The following ENKUR variants were observed in gnomAD, a reference collection of about 807,000 sequenced individuals.
The protein encoded by ENKUR is enkurin.
A neutral mutation model predicts 27.6 loss-of-function variants in ENKUR; 19 were observed. That is an observed-to-expected ratio of 0.69 (90% CI 0.48 to 1.01). The LOEUF (loss-of-function observed/expected upper bound fraction) is 1.01. Ranked by LOEUF, ENKUR falls within the 50% of genes least tolerant of loss-of-function variation. The pLI is 0.00. For synonymous variants in ENKUR, 117 were observed against 96.9 expected, an observed-to-expected ratio of 1.21 and a Z score of -1.22; for missense variants, 312 against 310.5, an observed-to-expected ratio of 1.00 and a Z score of -0.04.
intron 1 of ENKUR, among the ~76,000 whole-genome samples, chr10:25,014,945 G>A (rs1271080983): frequency 6.6e-6 from 1 of 152,184 alleles, no homozygotes; most frequent in African/African-American, 2.4e-5. Flanking sequence ...TCACAGATCA[G>A]TAAACAAATG....
intron 2 of ENKUR, among the ~76,000 whole-genome samples, chr10:25,046,538 T>A (rs749872536): frequency 6.6e-6 from 1 of 152,210 alleles, no homozygotes; most frequent in African/African-American, 2.4e-5. Context: ...CCTGGCTTTA[T>A]CACCAGCGTC....
At chr10:24,985,315 T>C (rs1380917819) in intron 4 of ENKUR, among the ~76,000 whole-genome samples, 2 of 152,230 alleles carry the variant, frequency 1.3e-5, no homozygotes, top group Non-Finnish European at 2.9e-5. Context: ...TTTTTTATCC[T>C]CATTCTTCAA....
intron 2 of ENKUR, among the ~76,000 whole-genome samples, chr10:25,051,827 A>G (rs1031930335): frequency 6.6e-6 from 1 of 152,228 alleles, no homozygotes; most frequent in Non-Finnish European, 1.5e-5. Context: ...AGGAGTACAG[A>G]GGCTAATGAC....
At chr10:25,047,263 C>A (rs902925199) in intron 2 of ENKUR, among the ~76,000 whole-genome samples, 1 of 152,108 alleles carries the variant, frequency 6.6e-6, no homozygotes, top group African/African-American at 2.4e-5. Context: ...ACATCAGGAG[C>A]GTGTGAGGCC....
chr10:25,034,559 C>T (rs772744473), intron 2 of ENKUR, among the ~76,000 whole-genome samples: 2 of 152,128 alleles, frequency 1.3e-5, no homozygotes, highest in Admixed American at 6.5e-5. Context: ...TACTTGCCCT[C>T]GATATTACCT....
rs573677353 is a variant in ENKUR at position 25,040,007 on chromosome 10, G to A, written c.37+21105C>T. 3.8e-5 allele frequency among the ~76,000 whole-genome samples: 3 copies of A among 79,506 alleles called. No homozygotes were observed. In the South Asian group the frequency reaches 1.2e-3, roughly 31 times the overall value. 52.2% of individuals were successfully genotyped at this position (79,506 alleles called of 152,430 possible). ...TGGTGCTGGCTGCTGGCCGTGGTACGTACTCTGTTCTTCTCTGTGTGTCTG... is the reference window on the plus strand; with the variant it reads ...TGGTGCTGGCTGCTGGCCGTGGTACATACTCTGTTCTTCTCTGTGTGTCTG... On this transcript the variant is annotated intron_variant, in intron 2 of 5. Coordinates refer to the ENKUR transcript ENST00000615958.
intron 2 of ENKUR, among the ~76,000 whole-genome samples, chr10:25,037,080 T>C (rs1012330219): frequency 6.6e-6 from 1 of 152,224 alleles, no homozygotes; most frequent in South Asian, 2.1e-4. Context: ...CATGTGCTGT[T>C]CACTTTGCCT....
intron 2 of ENKUR, chr10:25,024,352 G>A (rs1323865233): frequency 1.2e-6 from 2 of 1,614,066 alleles, no homozygotes; most frequent in South Asian, 2.2e-5. Context: ...GATACTTGTA[G>A]CTACTTCAGG....
At chr10:25,058,695 C>T (rs1400275901) in intron 2 of ENKUR, among the ~76,000 whole-genome samples, 1 of 151,536 alleles carries the variant, frequency 6.6e-6, no homozygotes, top group Admixed American at 6.6e-5. Flanking sequence ...CTTTGGGAGG[C>T]GTAGGCGAGC....
At chr10:25,049,211 C>CAATATATTTTAGGTGCTA (rs1851155733) in intron 2 of ENKUR, among the ~76,000 whole-genome samples, 1 of 152,038 alleles carries the variant, frequency 6.6e-6, no homozygotes, top group Non-Finnish European at 1.5e-5. Context: ...AGTAGGTGCT[C>CAATATATTTTAGGTGCTA]AATATATTTT....
chr10:25,029,068 A>T (rs1324124746), intron 2 of ENKUR, among the ~76,000 whole-genome samples: 1 of 152,094 alleles, frequency 6.6e-6, no homozygotes, highest in African/African-American at 2.4e-5. Context: ...CCATCCACTT[A>T]CCCACTACTG....
intron 1 of ENKUR, among the ~76,000 whole-genome samples, chr10:25,012,411 C>G (rs970021575): frequency 1.3e-5 from 2 of 152,198 alleles, no homozygotes; most frequent in African/African-American, 4.8e-5. Flanking sequence ...CCCAGAAAAG[C>G]TGCAGACACT....
intron 2 of ENKUR, among the ~76,000 whole-genome samples, chr10:25,031,515 A>G (rs922820261): frequency 6.6e-6 from 1 of 152,204 alleles, no homozygotes; most frequent in Non-Finnish European, 1.5e-5. Context: ...ACATTGAGAA[A>G]TAATAAATTG....
intron 3 of ENKUR, among the ~76,000 whole-genome samples, chr10:24,991,537 C>T (rs373648420): frequency 1.9e-4 from 29 of 152,190 alleles, no homozygotes; most frequent in African/African-American, 5.3e-4. Context: ...CACCAGCATG[C>T]CGGCAGGCCA....
intron 2 of ENKUR, chr10:25,025,567 G>A: frequency 9.4e-7 from 1 of 1,063,368 alleles, no homozygotes; most frequent in East Asian, 2.6e-5. Context: ...CTCTATATCT[G>A]TTTGGAATTT....
At chr10:24,985,511 G>A (rs2132663347) in intron 4 of ENKUR, among the ~76,000 whole-genome samples, 1 of 152,244 alleles carries the variant, frequency 6.6e-6, no homozygotes, top group African/African-American at 2.4e-5. Flanking sequence ...TCCCATTAAT[G>A]TATTCTATAA....
At chr10:25,012,825 G>A (rs1268407710) in intron 1 of ENKUR, among the ~76,000 whole-genome samples, 1 of 152,178 alleles carries the variant, frequency 6.6e-6, no homozygotes, top group Non-Finnish European at 1.5e-5. Flanking sequence ...GGGACTGTTG[G>A]GAAGGTATGA....
At chr10:24,998,310 T>TCTCCC (rs1486924538) in intron 2 of ENKUR, among the ~76,000 whole-genome samples, 6 of 149,052 alleles carry the variant, frequency 4.0e-5, no homozygotes, top group South Asian at 2.2e-4. Flanking sequence ...TCTCTTCTCC[T>TCTCCC]CTCCCCTCCC....
intron 2 of ENKUR, 81 bp from the exon 3 acceptor site, chr10:24,995,950 A>G (rs760669761): frequency 1.7e-6 from 2 of 1,156,458 alleles, no homozygotes; most frequent in Non-Finnish European, 2.4e-6. Context: ...CAGATATTTC[A>G]CCACTTGTAT....
Sources: gnomAD v4.1 joint callset for allele counts (sites outside exome capture counted in the v4.1 genomes callset) on GRCh38, gnomAD v4.1.1 for gene constraint, MANE v1.5 for transcripts, NCBI Gene and HGNC (gene_info 2026-07-23, HGNC 2026-07-21) for gene names.